STXBP5L: variants seen among roughly 807,000 people sequenced by gnomAD.
The protein encoded by STXBP5L is syntaxin binding protein 5L.
STXBP5L carries 65 observed loss-of-function variants against 144.5 expected under a neutral mutation model. The ratio of observed to expected loss-of-function variants is 0.45; its 90% CI spans 0.37 to 0.55. STXBP5L has a LOEUF of 0.55. STXBP5L is among the 20% of genes least tolerant of loss of function. The pLI is 0.00. For missense variants in STXBP5L, 1,298 were observed against 1,405.5 expected (o/e 0.92, Z 1.22); for synonymous variants, 505 against 469.6 (o/e 1.08, Z -0.97).
chr3:121,126,901 C>T (rs2044728031), intron 7 of STXBP5L, among the ~76,000 whole-genome samples: 1 of 152,200 alleles, frequency 6.6e-6, no homozygotes, highest in Non-Finnish European at 1.5e-5. Flanking sequence ...ATCTTCAAAT[C>T]CAACAGCATA....
intron 2 of STXBP5L, among the ~76,000 whole-genome samples, chr3:120,916,786 T>G (rs1201756032): frequency 6.6e-6 from 1 of 152,228 alleles, no homozygotes; most frequent in Non-Finnish European, 1.5e-5. Flanking sequence ...TTCTTTTATC[T>G]TTCTTTTATT....
chr3:121,216,551 T>G (rs1180232091), intron 10 of STXBP5L, among the ~76,000 whole-genome samples: 2 of 152,192 alleles, frequency 1.3e-5, no homozygotes, highest in Non-Finnish European at 2.9e-5. Flanking sequence ...TTCCTTCCTC[T>G]GGAAGCTTCG....
chr3:121,202,095 TTATATC>T (rs1333098453), intron 9 of STXBP5L, among the ~76,000 whole-genome samples: 2 of 152,146 alleles, frequency 1.3e-5, no homozygotes, highest in East Asian at 3.9e-4. Context: ...GTTATATGTT[TTATATC>T]TATATGTGCT....
At chr3:120,916,901 C>T (rs1404444985) in intron 2 of STXBP5L, among the ~76,000 whole-genome samples, 3 of 152,102 alleles carry the variant, frequency 2.0e-5, no homozygotes, top group South Asian at 4.1e-4. Flanking sequence ...TGACTAAAAA[C>T]TTGTCTATAA....
chr3:121,305,332 TG>T (rs2043301340), intron 19 of STXBP5L, among the ~76,000 whole-genome samples: 2 of 152,258 alleles, frequency 1.3e-5, no homozygotes, highest in South Asian at 4.1e-4. Context: ...AGCACAATGT[TG>T]ATAACTAAAA....
chr3:120,960,605 T>C (rs1938657284), intron 3 of STXBP5L, among the ~76,000 whole-genome samples: 1 of 152,090 alleles, frequency 6.6e-6, no homozygotes, highest in Non-Finnish European at 1.5e-5. Context: ...TCATGTCCTT[T>C]GTAGGGACAT....
chr3:121,264,476 A>C (rs1053416324), intron 18 of STXBP5L, among the ~76,000 whole-genome samples: 1 of 152,062 alleles, frequency 6.6e-6, no homozygotes, highest in South Asian at 2.1e-4. Flanking sequence ...TAAAACTCCC[A>C]TGGAGTTTTG....
chr3:121,226,648 T>C (rs968759938), intron 11 of STXBP5L, among the ~76,000 whole-genome samples: 1 of 152,176 alleles, frequency 6.6e-6, no homozygotes, highest in Non-Finnish European at 1.5e-5. Context: ...GATTTAGTTA[T>C]AACCAAATGT....
chr3:121,006,310 C>A (rs1052349994), intron 3 of STXBP5L, among the ~76,000 whole-genome samples: 1 of 152,052 alleles, frequency 6.6e-6, no homozygotes. Flanking sequence ...TATGTAATGG[C>A]CTTCTTTGTC....
At chr3:121,378,269 T>C (rs2046241047) in intron 20 of STXBP5L, among the ~76,000 whole-genome samples, 1 of 152,206 alleles carries the variant, frequency 6.6e-6, no homozygotes, top group Non-Finnish European at 1.5e-5. Context: ...CAAACCACCA[T>C]GGTGCATGTA....
At chr3:121,034,407 C>G (rs1472901150) in intron 3 of STXBP5L, among the ~76,000 whole-genome samples, 1 of 152,064 alleles carries the variant, frequency 6.6e-6, no homozygotes, top group East Asian at 1.9e-4. Context: ...CTGAGTTGAT[C>G]TAACTTAGGA....
At chr3:121,370,801 G>T (rs2046007362) in intron 20 of STXBP5L, among the ~76,000 whole-genome samples, 1 of 152,120 alleles carries the variant, frequency 6.6e-6, no homozygotes, top group African/African-American at 2.4e-5. Context: ...CTATTCTGTT[G>T]TTAATACTTG....
At position 121,200,713 on chromosome 3, in the gene STXBP5L, A is replaced by C. The variant is rs201034367; in HGVS notation, c.878-5210A>C. ...TGTTCTCATTGGTTTCAAATAGCTT[A>C]TTTATTTCTGCCTTAATTTTGTTAT... On this transcript the variant is annotated intron_variant, in intron 9 of 26. Transcript: ENST00000471454. Among the ~76,000 whole-genome samples the C allele has an allele frequency of 3.3e-5, 5 of 151,990 alleles. No homozygotes were observed. The East Asian group carries it at 9.7e-4, about 29-fold the overall frequency.
At chr3:121,093,739 A>AT (rs752681173) in intron 5 of STXBP5L, among the ~76,000 whole-genome samples, 40 of 151,922 alleles carry the variant, frequency 2.6e-4, no homozygotes, top group Admixed American at 9.2e-4. Flanking sequence ...GGATTCATTA[A>AT]TTTTTGAAGG....
At chr3:121,072,346 C>T (rs566840814) in intron 5 of STXBP5L, among the ~76,000 whole-genome samples, 105 of 152,328 alleles carry the variant, frequency 6.9e-4, no homozygotes, top group Non-Finnish European at 1.4e-3. Flanking sequence ...CCGTGTTGGC[C>T]GCTGCCATGG....
chr3:120,999,370 T>G (rs1943594288), intron 3 of STXBP5L, among the ~76,000 whole-genome samples: 2 of 152,200 alleles, frequency 1.3e-5, no homozygotes, highest in African/African-American at 4.8e-5. Context: ...AAAGTTTGTT[T>G]TATCTGAAAT....
chr3:121,006,897 T>C (rs1944360470), intron 3 of STXBP5L, among the ~76,000 whole-genome samples: 1 of 152,178 alleles, frequency 6.6e-6, no homozygotes, highest in African/African-American at 2.4e-5. Flanking sequence ...TTCTGGCTTG[T>C]AGAGTTTCTG....
At chr3:121,416,204 T>C (rs1576380742) in intron 25 of STXBP5L, among the ~76,000 whole-genome samples, 2 of 152,100 alleles carry the variant, frequency 1.3e-5, no homozygotes, top group African/African-American at 4.8e-5. Flanking sequence ...AAGTGATACA[T>C]ATAATTCATA....
intron 18 of STXBP5L, among the ~76,000 whole-genome samples, chr3:121,270,661 C>A (rs1359463757): frequency 6.6e-6 from 1 of 152,124 alleles, no homozygotes; most frequent in East Asian, 1.9e-4. Context: ...CCACGTTGAC[C>A]AGGCTGGCCT....
Sources: allele counts gnomAD v4.1 joint callset (sites outside exome capture counted in the v4.1 genomes callset), GRCh38; gene constraint gnomAD v4.1.1; transcripts MANE v1.5; gene names NCBI Gene and HGNC (gene_info 2026-07-23, HGNC 2026-07-21).